The following GREB1 variants were observed in gnomAD, a reference collection of about 807,000 sequenced individuals.
GREB1 encodes protein GREB1.
GREB1 carries 106 observed loss-of-function variants against 200.7 expected under a neutral mutation model. The ratio of observed to expected loss-of-function variants is 0.53; its 90% CI spans 0.45 to 0.62. GREB1 has a LOEUF of 0.62. Among genes scored for constraint, GREB1 ranks in the 20% least tolerant of loss-of-function variants. The pLI, the probability that GREB1 is intolerant of heterozygous loss-of-function variation, is 0.00. For synonymous variants in GREB1, 1,132 were observed against 1,092.4 expected (o/e 1.04, Z -0.72); for missense variants, 2,243 against 2,556.8 (o/e 0.88, Z 2.65).
intron 1 of GREB1, chr2:11,542,888 A>T (rs1210961458): frequency 1.3e-5 from 2 of 152,556 alleles, no homozygotes; most frequent in Non-Finnish European, 2.9e-5. Context: ...CAGCGGTGGC[A>T]TCCCAGGGGC....
intron 23 of GREB1, among the ~76,000 whole-genome samples, chr2:11,624,341 C>CTTTT (rs70955810): frequency 3.6e-5 from 4 of 111,136 alleles, no homozygotes; most frequent in African/African-American, 1.0e-4. Context: ...TACACAAATT[C>CTTTT]TTTTTTTTTT....
chr2:11,626,567 G>T (rs886259243), intron 24 of GREB1, among the ~76,000 whole-genome samples: 1 of 152,164 alleles, frequency 6.6e-6, no homozygotes, highest in African/African-American at 2.4e-5. Flanking sequence ...CAGCCTGAGC[G>T]ACAGAGCAAG....
chr2:11,624,070 A>T (rs1290919182), intron 23 of GREB1, among the ~76,000 whole-genome samples: 1 of 152,228 alleles, frequency 6.6e-6, no homozygotes. Context: ...AAAGTAAAAA[A>T]GTTATAGTAA....
At chr2:11,619,028 C>A in intron 22 of GREB1, 109 bp downstream of exon 22, 1 of 1,093,872 alleles carries the variant, frequency 9.1e-7, no homozygotes, top group Non-Finnish European at 1.3e-6. Context: ...ACTTTTCACC[C>A]TTCCCGTGGT....
chr2:11,614,955 TTTTC>T, intron 19 of GREB1, 132 bp from the exon 20 acceptor site: 1 of 675,824 alleles, frequency 1.5e-6, no homozygotes, highest in Non-Finnish European at 2.7e-6. Flanking sequence ...CACTGTTGGC[TTTTC>T]CACTTGTACG....
intron 3 of GREB1, among the ~76,000 whole-genome samples, chr2:11,565,591 GCTCT>G (rs1226519726): frequency 3.9e-5 from 6 of 152,196 alleles, no homozygotes; most frequent in Non-Finnish European, 8.8e-5. Context: ...GTCTCAGCTG[GCTCT>G]CTATTTTACC....
intron 1 of GREB1, among the ~76,000 whole-genome samples, chr2:11,495,409 C>T (rs1000388551): frequency 6.6e-5 from 10 of 151,990 alleles, no homozygotes; most frequent in African/African-American, 9.7e-5. Context: ...CAATTTCATT[C>T]GGTATTTTTT....
chr2:11,495,180 G>A (rs1672853990), intron 1 of GREB1, among the ~76,000 whole-genome samples: 1 of 152,152 alleles, frequency 6.6e-6, no homozygotes, highest in African/African-American at 2.4e-5. Context: ...CATCTCACTG[G>A]GAAGAAGATT....
Position 11,588,844 on chromosome 2 carries a change from G to C in GREB1, c.1258G>C (p.Ala420Pro). ...CCAGAATTCCCAGTCTGTCTCACGGGCATACGAGCAGTACGGCGCCTCTGC... is the reference window on the plus strand; with the variant it reads ...CCAGAATTCCCAGTCTGTCTCACGGCCATACGAGCAGTACGGCGCCTCTGC... The part of the protein sequence containing the change: ...CYQNSQSVSR[A>P]YEQYGASAIQ... The change falls in exon 10 of 33, where the codon GCA becomes CCA. Residue 420 changes from alanine to proline, a missense_variant. By Grantham distance (27) the Ala-to-Pro change is conservative. This residue lies in a region of GREB1 where 1,178 missense variants were observed against 1,387.4 expected (regional missense o/e 0.85). Coordinates refer to ENST00000381486, the MANE Select transcript of GREB1 (RefSeq NM_014668.4). 1 of 1,614,108 alleles carries C rather than the reference G, an allele frequency of 6.2e-7. No individual in the cohort carries two copies. Among genetic ancestry groups the C allele is most frequent in the Non-Finnish European group, 8.5e-7 (1 of 1,179,974 alleles).
chr2:11,618,084 C>T (rs748730198), intron 21 of GREB1, among the ~76,000 whole-genome samples: 5 of 84,110 alleles, frequency 5.9e-5, no homozygotes, highest in Non-Finnish European at 1.4e-4. Context: ...CAGGAGCCGC[C>T]GGCAAGTTCT....
At chr2:11,598,006 G>C (rs563670137) in intron 14 of GREB1, 28 bp downstream of exon 14, 21 of 1,548,962 alleles carry the variant, frequency 1.4e-5, no homozygotes, top group Non-Finnish European at 1.8e-5. Flanking sequence ...GAGAAGTCAC[G>C]TGTGGAGAAG....
intron 22 of GREB1, among the ~76,000 whole-genome samples, chr2:11,620,040 G>A (rs775620053): frequency 5.3e-5 from 8 of 152,260 alleles, no homozygotes; most frequent in Admixed American, 2.6e-4. Flanking sequence ...GCAGTGGCAC[G>A]ATCTCAGCTC....
At chr2:11,502,019 C>T (rs1443485888) in intron 1 of GREB1, among the ~76,000 whole-genome samples, 10 of 145,496 alleles carry the variant, frequency 6.9e-5, no homozygotes, top group African/African-American at 2.0e-4. Flanking sequence ...CGGGTTCAAG[C>T]GGTTCTCCTG....
intron 1 of GREB1, among the ~76,000 whole-genome samples, chr2:11,484,946 C>T (rs2148392609): frequency 6.6e-6 from 1 of 152,248 alleles, no homozygotes; most frequent in Non-Finnish European, 1.5e-5. Flanking sequence ...CCCGGGTTCA[C>T]GCCATTCTCC....
chr2:11,641,446 C>T lies in GREB1; in HGVS notation c.*992C>T, dbSNP rs1158401965. ...GGGAGATGTATTTCTTAGGGCTCACCCCTTCACAGACTGACAGAATGGTTT... is the reference window on the plus strand; with the variant it reads ...GGGAGATGTATTTCTTAGGGCTCACTCCTTCACAGACTGACAGAATGGTTT... On this transcript the variant is annotated 3_prime_UTR_variant, in exon 33 of 33. Transcript: ENST00000381486. 6.7e-6 allele frequency: 1 copy of T among 149,972 alleles called. No homozygotes were observed. Among genetic ancestry groups the T allele is most frequent in the Non-Finnish European group, 1.5e-5 (1 of 67,936 alleles). 9.3% of individuals were successfully genotyped at this position (149,972 alleles called of 1,614,324 possible).
chr2:11,566,427 C>T, intron 3 of GREB1, 53 bp from the exon 4 acceptor site: 2 of 1,530,266 alleles, frequency 1.3e-6, no homozygotes, highest in East Asian at 2.3e-5. Flanking sequence ...GCCCCTGTGA[C>T]CCCGCTTCTG....
At chr2:11,636,313 G>A (rs1685313668) in intron 30 of GREB1, among the ~76,000 whole-genome samples, 2 of 152,222 alleles carry the variant, frequency 1.3e-5, no homozygotes, top group South Asian at 4.1e-4. Context: ...AGGGCCAGAT[G>A]TGGCTTTAAA....
chr2:11,571,605 G>A (rs922262345), intron 4 of GREB1, among the ~76,000 whole-genome samples: 1 of 152,180 alleles, frequency 6.6e-6, no homozygotes, highest in Non-Finnish European at 1.5e-5. Context: ...GTTGCTACCG[G>A]TACTTCTGCC....
Position 11,629,998 on chromosome 2 carries a change from AGAG to A in GREB1, c.4504_4506del (p.Glu1502del). 6.2e-7 allele frequency: 1 copy of A among 1,614,140 alleles called. No homozygotes were observed. The highest frequency in any genetic ancestry group is 8.5e-7 in the Non-Finnish European group (1 of 1,180,008). ...TTGCCTTCTCTTACTCCATGCTAGG[AGAG>A]GAGATCCAGCTGCACTTCATCATCC... is the stretch of plus-strand genomic sequence containing the variant. On this transcript the variant is annotated inframe_deletion, in exon 26 of 33. Coordinates refer to ENST00000381486, the MANE Select transcript of GREB1 (RefSeq NM_014668.4). The surrounding 1 kb of genome is among the most constrained non-coding windows in gnomAD (Gnocchi z 5.2).
Sources: gnomAD v4.1 joint callset for allele counts (sites outside exome capture counted in the v4.1 genomes callset) on GRCh38, gnomAD v4.1.1 for gene constraint, gnomAD v4.1.1 regional missense constraint, Gnocchi (gnomAD v3.1) non-coding constraint, MANE v1.5 for transcripts, NCBI Gene and HGNC (gene_info 2026-07-23, HGNC 2026-07-21) for gene names.